The following PRKAG2 variants were observed in gnomAD, a reference collection of about 807,000 sequenced individuals.
The protein encoded by PRKAG2 is protein kinase AMP-activated non-catalytic subunit gamma 2, also known as 5'-AMP-activated protein kinase subunit gamma-2.
In PRKAG2, 26 loss-of-function variants were observed where a neutral mutation model predicts 69.6. The observed-to-expected ratio is 0.37, with a 90% CI of 0.27 to 0.52. The LOEUF (loss-of-function observed/expected upper bound fraction) is 0.52. Ranked by LOEUF, PRKAG2 falls within the 20% of genes least tolerant of loss-of-function variation. PRKAG2 has a pLI of 0.90. For missense variants in PRKAG2, 557 were observed against 740.0 expected, an observed-to-expected ratio of 0.75 and a Z score of 2.87; for synonymous variants, 293 against 285.0, an observed-to-expected ratio of 1.03 and a Z score of -0.28.
chr7:151,798,376 G>A (rs191207162), intron 1 of PRKAG2, among the ~76,000 whole-genome samples: 31 of 149,924 alleles, frequency 2.1e-4, no homozygotes, highest in African/African-American at 4.2e-4. Context: ...GTGTAGTAGC[G>A]CAATCTTGGC....
chr7:151,671,511 AACT>A (rs1832040059), intron 4 of PRKAG2, among the ~76,000 whole-genome samples: 1 of 152,326 alleles, frequency 6.6e-6, no homozygotes, highest in African/African-American at 2.4e-5. Flanking sequence ...ACGAACTTGA[AACT>A]ACCACCCACC....
At chr7:151,662,639 G>A (rs570943268) in intron 4 of PRKAG2, among the ~76,000 whole-genome samples, 11 of 152,288 alleles carry the variant, frequency 7.2e-5, no homozygotes, top group African/African-American at 2.2e-4. Context: ...GTTGCTGGGC[G>A]TGGTGGCTCC....
chr7:151,803,488 T>C (rs1304187482), intron 1 of PRKAG2, among the ~76,000 whole-genome samples: 3 of 152,174 alleles, frequency 2.0e-5, no homozygotes, highest in Non-Finnish European at 4.4e-5. Flanking sequence ...CCTTTTTCTC[T>C]CACCCATTTA....
At chr7:151,808,229 G>A (rs1212928020) in intron 1 of PRKAG2, among the ~76,000 whole-genome samples, 3 of 152,194 alleles carry the variant, frequency 2.0e-5, no homozygotes, top group East Asian at 1.9e-4. Flanking sequence ...CTAGTTTGTC[G>A]ACAGTATTCC....
In PRKAG2 at chr7:151,795,689, G is replaced by A. The variant is rs1012183458; in HGVS notation, c.115-9148C>T. 1.1e-4 allele frequency among the ~76,000 whole-genome samples: 16 copies of A among 151,840 alleles called. No individual in the cohort carries two copies. In the East Asian group the frequency reaches 1.2e-3, roughly 11 times the overall value. The stretch of plus-strand genomic sequence containing the variant: ...GATGTGGGTGGGCCTCCCCCAATCC[G>A]CAGCAGGCCTGAAGAGGGAAAACAG... On this transcript the variant is annotated intron_variant, in intron 1 of 15. Transcript: ENST00000287878.
At chr7:151,866,028 A>G (rs2151910156) in intron 1 of PRKAG2, among the ~76,000 whole-genome samples, 1 of 152,062 alleles carries the variant, frequency 6.6e-6, no homozygotes, top group Non-Finnish European at 1.5e-5. Flanking sequence ...TCAAAAAAAA[A>G]AAAAAAAGAA....
rs1232285437 is a variant in PRKAG2 at position 151,567,630 on chromosome 7, T to C, written c.1233+1086A>G. The stretch of plus-strand genomic sequence containing the variant: ...GGATGCATCCCTAATCCCTTTTTCC[T>C]AGATTATCGCCTTTATTAAACTTCA... On this transcript the variant is annotated intron_variant, in intron 11 of 15. Coordinates refer to ENST00000287878, the MANE Select transcript of PRKAG2 (RefSeq NM_016203.4). This position sits in a 1 kb window ranked among gnomAD's most constrained non-coding sequence, Gnocchi z 4.2. Among the ~76,000 whole-genome samples, 1 of 152,204 alleles carries C rather than the reference T, an allele frequency of 6.6e-6. No individual in the cohort carries two copies. Among genetic ancestry groups the C allele is most frequent in the South Asian group, 2.1e-4 (1 of 4,830 alleles).
intron 3 of PRKAG2, among the ~76,000 whole-genome samples, chr7:151,686,640 G>A (rs1050107543): frequency 1.3e-5 from 2 of 152,028 alleles, no homozygotes; most frequent in African/African-American, 2.4e-5. Flanking sequence ...TTTCACACCC[G>A]CCTGGTGTCC....
intron 5 of PRKAG2, among the ~76,000 whole-genome samples, chr7:151,608,289 G>A (rs1817990034): frequency 1.3e-5 from 2 of 152,182 alleles, no homozygotes; most frequent in South Asian, 4.1e-4. Flanking sequence ...AAGCCACCAA[G>A]TTGTGGCATC....
At chr7:151,752,831 A>G (rs1045469462) in intron 3 of PRKAG2, among the ~76,000 whole-genome samples, 8 of 152,276 alleles carry the variant, frequency 5.3e-5, no homozygotes, top group Non-Finnish European at 1.0e-4. Flanking sequence ...ACATTTACAC[A>G]ATCCCAAAGT....
intron 3 of PRKAG2, among the ~76,000 whole-genome samples, chr7:151,707,537 G>A (rs1263914174): frequency 6.6e-6 from 1 of 152,110 alleles, no homozygotes; most frequent in African/African-American, 2.4e-5. Flanking sequence ...GGAGAGGAAT[G>A]GGAATTTGAA....
intron 1 of PRKAG2, among the ~76,000 whole-genome samples, chr7:151,794,510 G>A (rs866476634): frequency 5.9e-5 from 9 of 152,252 alleles, no homozygotes; most frequent in Non-Finnish European, 2.9e-5. Flanking sequence ...CGTGGCACTG[G>A]GCATGGCGAG....
intron 3 of PRKAG2, among the ~76,000 whole-genome samples, chr7:151,765,672 C>T (rs1036515562): frequency 4.6e-5 from 7 of 152,142 alleles, no homozygotes; most frequent in African/African-American, 1.7e-4. Context: ...CTGCCATGAC[C>T]CTATTTCCAA....
At chr7:151,852,211 T>C (rs1055500297) in intron 1 of PRKAG2, among the ~76,000 whole-genome samples, 1 of 152,166 alleles carries the variant, frequency 6.6e-6, no homozygotes, top group South Asian at 2.1e-4. Flanking sequence ...CTCAAGAATG[T>C]AAGCCCTGGC....
At chr7:151,721,572 C>A (rs1179655686) in intron 3 of PRKAG2, among the ~76,000 whole-genome samples, 1 of 152,198 alleles carries the variant, frequency 6.6e-6, no homozygotes, top group Non-Finnish European at 1.5e-5. Flanking sequence ...TAATGTCCCC[C>A]TCCAGGCCTG....
At chr7:151,601,705 T>A (rs534821385) in intron 5 of PRKAG2, among the ~76,000 whole-genome samples, 1 of 152,312 alleles carries the variant, frequency 6.6e-6, no homozygotes, top group African/African-American at 2.4e-5. Context: ...TGCCAAAGAA[T>A]GTCCTGGGGC....
chr7:151,673,780 G>A (rs964781169), intron 4 of PRKAG2, among the ~76,000 whole-genome samples: 1 of 150,060 alleles, frequency 6.7e-6, no homozygotes, highest in African/African-American at 2.4e-5. Flanking sequence ...TAGGGTCTTT[G>A]TAGATATAAT....
chr7:151,560,323 T>C (rs1804628730), intron 15 of PRKAG2: 23 of 1,487,550 alleles, frequency 1.5e-5, no homozygotes, highest in Non-Finnish European at 2.0e-5. Context: ...TAACTTCGAA[T>C]ACGTTCTATA....
At chr7:151,778,270 T>C (rs147902228) in intron 3 of PRKAG2, among the ~76,000 whole-genome samples, 5 of 152,262 alleles carry the variant, frequency 3.3e-5, no homozygotes, top group African/African-American at 4.8e-5. Context: ...CCATCTCCCA[T>C]GTGGCTGGCC....
Sources: allele counts gnomAD v4.1 joint callset (sites outside exome capture counted in the v4.1 genomes callset), GRCh38; gene constraint gnomAD v4.1.1; non-coding constraint Gnocchi (gnomAD v3.1); transcripts MANE v1.5; gene names NCBI Gene and HGNC (gene_info 2026-07-23, HGNC 2026-07-21).